Variants in MGAT4C observed in about 807,000 individuals in gnomAD.
MGAT4C encodes the protein MGAT4 family member C, also known as alpha-1,3-mannosyl-glycoprotein 4-beta-N-acetylglucosaminyltransferase C.
MGAT4C carries 19 observed loss-of-function variants against 40.1 expected under a neutral mutation model. The ratio of observed to expected loss-of-function variants is 0.47; its 90% CI spans 0.33 to 0.70. The LOEUF is 0.70. Among genes scored for constraint, MGAT4C ranks in the 30% least tolerant of loss-of-function variants. MGAT4C has a pLI of 0.02. For synonymous variants in MGAT4C, 181 were observed against 187.1 expected (o/e 0.97, Z 0.27); for missense variants, 491 against 563.2 (o/e 0.87, Z 1.30).
At chr12:86,535,210 G>T (rs139526104) in intron 2 of MGAT4C, among the ~76,000 whole-genome samples, 1 of 151,910 alleles carries the variant, frequency 6.6e-6, no homozygotes, top group Admixed American at 6.6e-5. Flanking sequence ...TGTATTTCAC[G>T]CATAAAATGG....
chr12:86,211,434 A>AAAAAAAAG (rs1950460945), intron 1 of MGAT4C, among the ~76,000 whole-genome samples: 1 of 142,034 alleles, frequency 7.0e-6, no homozygotes, highest in Non-Finnish European at 1.6e-5. Flanking sequence ...AAAAAAAAAA[A>AAAAAAAAG]AAATTAGCCG....
chr12:86,252,782 C>T (rs1019754840), intron 1 of MGAT4C, among the ~76,000 whole-genome samples: 3 of 151,756 alleles, frequency 2.0e-5, no homozygotes, highest in South Asian at 2.1e-4. Flanking sequence ...ACTGTAAACT[C>T]GGCATACTAT....
At chr12:86,521,450 C>G (rs984563059) in intron 2 of MGAT4C, among the ~76,000 whole-genome samples, 3 of 152,058 alleles carry the variant, frequency 2.0e-5, no homozygotes, top group African/African-American at 7.2e-5. Flanking sequence ...TGTAGCAGTA[C>G]TATGCTGCTC....
intron 1 of MGAT4C, among the ~76,000 whole-genome samples, chr12:86,123,548 T>C (rs1879785639): frequency 6.6e-6 from 1 of 152,120 alleles, no homozygotes; most frequent in African/African-American, 2.4e-5. Flanking sequence ...TTAGAATTAA[T>C]AATAATGACA....
At chr12:86,591,300 G>A (rs79850871) in intron 2 of MGAT4C, among the ~76,000 whole-genome samples, 7,969 of 151,932 alleles carry the variant, frequency 0.052, 348 homozygotes, top group East Asian at 0.19. Flanking sequence ...TAGGGCATCA[G>A]ATCTATGATA....
At chr12:85,982,371 T>A (rs1884701707) in intron 4 of MGAT4C, among the ~76,000 whole-genome samples, 1 of 152,132 alleles carries the variant, frequency 6.6e-6, no homozygotes, top group Non-Finnish European at 1.5e-5. Flanking sequence ...GTACTTTTAG[T>A]AGAGAAGGGG....
At chr12:86,716,072 T>C (rs1950640966) in intron 2 of MGAT4C, among the ~76,000 whole-genome samples, 1 of 152,142 alleles carries the variant, frequency 6.6e-6, no homozygotes, top group South Asian at 2.1e-4. Context: ...AATATGTTGG[T>C]ATGTTGTATT....
At chr12:86,490,794 CA>C (rs1257695386) in intron 2 of MGAT4C, among the ~76,000 whole-genome samples, 2 of 152,004 alleles carry the variant, frequency 1.3e-5, no homozygotes, top group Non-Finnish European at 2.9e-5. Flanking sequence ...TTTAAACCAA[CA>C]AAGATCAAAA....
intron 2 of MGAT4C, among the ~76,000 whole-genome samples, chr12:86,615,243 C>T (rs1962412156): frequency 6.6e-6 from 1 of 151,910 alleles, no homozygotes; most frequent in Admixed American, 6.6e-5. Flanking sequence ...AAAAAAATGA[C>T]TGGGATTCTG....
At chr12:86,314,914 A>G (rs1268322384) in intron 4 of MGAT4C, among the ~76,000 whole-genome samples, 1 of 152,200 alleles carries the variant, frequency 6.6e-6, no homozygotes, top group Non-Finnish European at 1.5e-5. Flanking sequence ...TAAAGTGGCC[A>G]TACTGCCCAA....
intron 3 of MGAT4C, among the ~76,000 whole-genome samples, chr12:86,353,205 C>G (rs1955215629): frequency 6.6e-6 from 1 of 151,814 alleles, no homozygotes; most frequent in African/African-American, 2.4e-5. Flanking sequence ...AGTAAAGCCT[C>G]AAAACAACAG....
At chr12:86,010,586 G>A (rs1888356918) in intron 2 of MGAT4C, among the ~76,000 whole-genome samples, 2 of 152,180 alleles carry the variant, frequency 1.3e-5, no homozygotes. Context: ...GCTGAGACAG[G>A]AGAATTGCTT....
chr12:86,293,732 G>A (rs1953585857), intron 4 of MGAT4C, among the ~76,000 whole-genome samples: 1 of 152,162 alleles, frequency 6.6e-6, no homozygotes, highest in African/African-American at 2.4e-5. Flanking sequence ...CCCAGGTGGA[G>A]GTAATTAGAT....
At chr12:86,687,685 C>T (rs889503808) in intron 2 of MGAT4C, among the ~76,000 whole-genome samples, 3 of 152,156 alleles carry the variant, frequency 2.0e-5, no homozygotes, top group African/African-American at 7.2e-5. Context: ...CATTTGATTG[C>T]ACTGTGGTCT....
intron 1 of MGAT4C, among the ~76,000 whole-genome samples, chr12:86,087,619 A>G (rs1005501961): frequency 6.6e-6 from 1 of 152,010 alleles, no homozygotes; most frequent in African/African-American, 2.4e-5. Context: ...GGCTGAGACT[A>G]TGGGGAACAC....
chr12:86,096,279 T>C (rs1049048529), intron 1 of MGAT4C, among the ~76,000 whole-genome samples: 1 of 151,774 alleles, frequency 6.6e-6, no homozygotes, highest in Non-Finnish European at 1.5e-5. Flanking sequence ...GCATGACCTA[T>C]CAATATGTAG....
chr12:86,135,896 T>G (rs926329975), intron 1 of MGAT4C, among the ~76,000 whole-genome samples: 5 of 152,226 alleles, frequency 3.3e-5, no homozygotes, highest in African/African-American at 1.2e-4. Flanking sequence ...ACAAGTTAAC[T>G]ACTGATTAAT....
rs1950113933 is a variant in MGAT4C at position 86,688,409 on chromosome 12, G to A, written c.-229+38800C>T. 2.0e-5 allele frequency among the ~76,000 whole-genome samples: 3 copies of A among 152,004 alleles called. No individual in the cohort carries two copies. The South Asian group carries it at 6.2e-4, about 32-fold the overall frequency. ...CATTATGATGCCAGCTGGTGATTTT[G>A]CACATTAGTTGATGTAGCTTCTTCA... On this transcript the variant is annotated intron_variant, in intron 2 of 7. Transcript: ENST00000548651.
intron 4 of MGAT4C, among the ~76,000 whole-genome samples, chr12:86,267,265 G>A (rs554613153): frequency 6.6e-6 from 1 of 152,066 alleles, no homozygotes; most frequent in Non-Finnish European, 1.5e-5. Flanking sequence ...CTGCTTTGCT[G>A]TATCTCACAG....
Sources: allele counts gnomAD v4.1 joint callset (sites outside exome capture counted in the v4.1 genomes callset), GRCh38; gene constraint gnomAD v4.1.1; transcripts MANE v1.5; gene names NCBI Gene and HGNC (gene_info 2026-07-23, HGNC 2026-07-21).